GLG1: variants seen among roughly 807,000 people sequenced by gnomAD.
The protein encoded by GLG1 is golgi glycoprotein 1.
GLG1 carries 38 observed loss-of-function variants against 160.5 expected under a neutral mutation model. That is an observed-to-expected ratio of 0.24 (90% CI 0.18 to 0.31). GLG1 has a LOEUF of 0.31. Among genes scored for constraint, GLG1 ranks in the 10% least tolerant of loss-of-function variants. The probability of loss-of-function intolerance (pLI) is 1.00; values close to 1 mark genes in which losing one functional copy is unlikely to be tolerated. For missense variants in GLG1, 1,373 were observed against 1,505.2 expected (o/e 0.91, Z 1.45); for synonymous variants, 644 against 543.4 (o/e 1.19, Z -2.57).
chr16:74,513,976 G>A (rs1035173278), intron 2 of GLG1, among the ~76,000 whole-genome samples: 11 of 152,138 alleles, frequency 7.2e-5, no homozygotes, highest in African/African-American at 2.7e-4. Flanking sequence ...ACCACAGTAC[G>A]AGAACTTCGT....
intron 7 of GLG1, among the ~76,000 whole-genome samples, chr16:74,491,700 C>T (rs1305030571): frequency 2.0e-4 from 24 of 122,574 alleles, no homozygotes; most frequent in African/African-American, 5.8e-4. Context: ...GTGCAGCGCG[C>T]GATCTCGGCT....
chr16:74,467,223 T>C (rs1402417488), intron 18 of GLG1, among the ~76,000 whole-genome samples: 3 of 152,266 alleles, frequency 2.0e-5, no homozygotes, highest in Non-Finnish European at 4.4e-5. Context: ...TGAAGCCCCA[T>C]GGCAATGCCC....
Position 74,452,246 on chromosome 16 carries a change from A to G in GLG1, c.*921T>C. On this transcript the variant is annotated 3_prime_UTR_variant, in exon 26 of 26. Coordinates refer to ENST00000422840, the MANE Select transcript of GLG1 (RefSeq NM_001145667.2). ...ACAGTCCTGCCTCCTGATGAAGCGC[A>G]GAGCTTCCAGAGTGACTGTAGCCTC... is the stretch of plus-strand genomic sequence containing the variant. 1 of 1,510,806 alleles carries G rather than the reference A, an allele frequency of 6.6e-7. No individual in the cohort carries two copies. The highest frequency in any genetic ancestry group is 1.3e-5 in the South Asian group (1 of 79,156). 93.6% of individuals were successfully genotyped at this position (1,510,806 alleles called of 1,614,324 possible).
At chr16:74,567,722 C>A (rs965688882) in intron 1 of GLG1, among the ~76,000 whole-genome samples, 1 of 151,316 alleles carries the variant, frequency 6.6e-6, no homozygotes, top group South Asian at 2.1e-4. Flanking sequence ...GCGCCCGCCA[C>A]CGCGCCCGGC....
At chr16:74,598,948 T>C (rs939727512) in intron 1 of GLG1, among the ~76,000 whole-genome samples, 1 of 151,826 alleles carries the variant, frequency 6.6e-6, no homozygotes, top group African/African-American at 2.4e-5. Context: ...ATTTTTGTTA[T>C]TGTTCCTGAG....
chr16:74,480,268 G>A lies in GLG1; in HGVS notation c.1800C>T (p.Ala600=), dbSNP rs770965896. 1 of 1,612,302 alleles carries A rather than the reference G, an allele frequency of 6.2e-7. No homozygotes were observed. The highest frequency in any genetic ancestry group is 8.5e-7 in the Non-Finnish European group (1 of 1,178,306). ...TCCTTCCCTGTTCCTCAGTGCGGTA[G>A]GCGTGTCTGTATAAACAAGAGAACA... The part of the protein sequence containing the change: ...GAVFSCLYRH[A]YRTEEQGRRL... Residue 600 remains alanine (A), a synonymous_variant, in exon 11 of 26, where the codon GCC becomes GCT. Coordinates refer to ENST00000422840, the MANE Select transcript of GLG1 (RefSeq NM_001145667.2).
intron 1 of GLG1, among the ~76,000 whole-genome samples, chr16:74,567,000 G>A (rs940786695): frequency 6.6e-6 from 1 of 152,166 alleles, no homozygotes; most frequent in Non-Finnish European, 1.5e-5. Context: ...TGTTTAAGAT[G>A]TTGCAAAACT....
In GLG1 at chr16:74,516,124, C is replaced by T. The variant is rs766007517; in HGVS notation, c.472-7199G>A. Reference sequence around the variant, plus strand: ...AATAATGGGAGACTTTAACACCACACTGTCAACATTAGACAGATCAACGAG... The same window carrying T: ...AATAATGGGAGACTTTAACACCACATTGTCAACATTAGACAGATCAACGAG... On this transcript the variant is annotated intron_variant, in intron 2 of 25. Coordinates refer to ENST00000422840, the MANE Select transcript of GLG1 (RefSeq NM_001145667.2). Among the ~76,000 whole-genome samples, 5 of 151,796 alleles carry T rather than the reference C, an allele frequency of 3.3e-5. No homozygotes were observed. In the Middle Eastern group the frequency reaches 0.014, roughly 413 times the overall value.
In GLG1 at chr16:74,452,192, C is replaced by A; in HGVS notation, c.*975G>T. 6.3e-7 allele frequency: 1 copy of A among 1,577,054 alleles called. No individual in the cohort carries two copies. Among genetic ancestry groups the A allele is most frequent in the Non-Finnish European group, 8.6e-7 (1 of 1,161,194 alleles). ...TCCCACTTCCTGACCCACTGCTCCC[C>A]ACACCCATCTTCAAGGACCCCTCCC... On this transcript the variant is annotated 3_prime_UTR_variant, in exon 26 of 26. Transcript: ENST00000422840.
intron 20 of GLG1, chr16:74,462,859 G>A: frequency 1.8e-6 from 1 of 553,078 alleles, no homozygotes; most frequent in South Asian, 2.2e-5. Context: ...ACTCTGCGGG[G>A]TTTTGTGCAG....
At chr16:74,520,254 G>C (rs1318951016) in intron 2 of GLG1, among the ~76,000 whole-genome samples, 3 of 152,104 alleles carry the variant, frequency 2.0e-5, no homozygotes, top group African/African-American at 7.2e-5. Context: ...TTTTCTCTCA[G>C]GCTGATTCAT....
intron 1 of GLG1, among the ~76,000 whole-genome samples, chr16:74,537,917 G>T (rs1166609780): frequency 6.6e-6 from 1 of 152,122 alleles, no homozygotes; most frequent in Admixed American, 6.6e-5. Flanking sequence ...AGAAAGTCTG[G>T]AACTATGATT....
intron 1 of GLG1, chr16:74,552,581 G>C (rs1176521308): frequency 1.7e-5 from 4 of 234,494 alleles, no homozygotes; most frequent in Non-Finnish European, 3.5e-5. Context: ...AAGGTCTGGA[G>C]GGTGAGCAAC....
intron 1 of GLG1, among the ~76,000 whole-genome samples, chr16:74,583,828 A>C (rs1268555142): frequency 3.3e-5 from 5 of 152,128 alleles, no homozygotes; most frequent in African/African-American, 1.2e-4. Flanking sequence ...CCTCCACTCG[A>C]CCATGTCTTT....
intron 3 of GLG1, among the ~76,000 whole-genome samples, chr16:74,507,296 G>A (rs1181523071): frequency 6.6e-6 from 1 of 152,104 alleles, no homozygotes; most frequent in Non-Finnish European, 1.5e-5. Context: ...AATGCAAAGA[G>A]TGAAATTATT....
intron 1 of GLG1, among the ~76,000 whole-genome samples, chr16:74,557,276 C>T (rs1232421008): frequency 2.0e-5 from 3 of 152,048 alleles, no homozygotes; most frequent in Admixed American, 6.6e-5. Flanking sequence ...TCTTTATTTC[C>T]TGCTTATCCA....
intron 2 of GLG1, among the ~76,000 whole-genome samples, chr16:74,516,043 A>C (rs1033152790): frequency 2.6e-5 from 4 of 151,724 alleles, no homozygotes; most frequent in Non-Finnish European, 5.9e-5. Flanking sequence ...AGGAGCACCC[A>C]GATTCATAAA....
chr16:74,541,178 G>C (rs2017855472), intron 1 of GLG1, among the ~76,000 whole-genome samples: 1 of 151,958 alleles, frequency 6.6e-6, no homozygotes, highest in Non-Finnish European at 1.5e-5. Context: ...ACAAAGATTA[G>C]CCAGGCGTGG....
chr16:74,577,404 C>A (rs1263903873), intron 1 of GLG1, among the ~76,000 whole-genome samples: 1 of 151,724 alleles, frequency 6.6e-6, no homozygotes, highest in Non-Finnish European at 1.5e-5. Flanking sequence ...CACCTGTAAT[C>A]CCAGCTACTC....
Sources: allele counts gnomAD v4.1 joint callset (sites outside exome capture counted in the v4.1 genomes callset), GRCh38; gene constraint gnomAD v4.1.1; transcripts MANE v1.5; gene names NCBI Gene and HGNC (gene_info 2026-07-23, HGNC 2026-07-21).